TMEM131L: variants seen among roughly 807,000 people sequenced by gnomAD.
The protein encoded by TMEM131L is transmembrane 131 like.
Under a neutral mutation model 192.2 loss-of-function variants are expected in TMEM131L, and 54 were observed. The ratio of observed to expected loss-of-function variants is 0.28; its 90% CI spans 0.23 to 0.35. The LOEUF (loss-of-function observed/expected upper bound fraction) is 0.35. Among genes scored for constraint, TMEM131L ranks in the 10% least tolerant of loss-of-function variants. The pLI is 1.00. For missense variants in TMEM131L, 1,888 were observed against 1,972.9 expected (o/e 0.96, Z 0.82); for synonymous variants, 701 against 704.9 (o/e 0.99, Z 0.09).
In TMEM131L at chr4:153,604,048, C is replaced by T. The variant is rs1031075223; in HGVS notation, c.3036C>T (p.Ser1012=). The T allele has an allele frequency of 3.1e-6, 5 of 1,614,090 alleles. No homozygotes were observed. In the African/African-American group the frequency reaches 5.3e-5, roughly 17 times the overall value. The change falls in exon 25 of 35, where the codon AGC becomes AGT. Residue 1012 remains serine, a synonymous_variant. Transcript: ENST00000409959. ...TEEKQTSPLG[S]SLPAAKEDIC... ...AAAAACAGACTTCACCCCTGGGCAG[C>T]TCACTGCCTGCTGCTAAAGAGGACA...
At chr4:153,604,558 GA>G in intron 25 of TMEM131L, 128 bp downstream of exon 25, 1 of 947,158 alleles carries the variant, frequency 1.1e-6, no homozygotes, top group Non-Finnish European at 1.6e-6. Flanking sequence ...TTTAAATATT[GA>G]AAAAAGACAA....
At chr4:153,518,569 G>C (rs1481509882) in intron 3 of TMEM131L, among the ~76,000 whole-genome samples, 1 of 152,176 alleles carries the variant, frequency 6.6e-6, no homozygotes, top group East Asian at 1.9e-4. Flanking sequence ...AGTGTGATGT[G>C]TTTGGTGCTA....
At chr4:153,468,522 C>T (rs1371631306) in intron 2 of TMEM131L, among the ~76,000 whole-genome samples, 1 of 152,112 alleles carries the variant, frequency 6.6e-6, no homozygotes, top group East Asian at 1.9e-4. Flanking sequence ...AATAGAAATC[C>T]GTCGTATTCC....
chr4:153,597,109 A>T (rs1216210051), intron 20 of TMEM131L, among the ~76,000 whole-genome samples: 1 of 152,098 alleles, frequency 6.6e-6, no homozygotes, highest in African/African-American at 2.4e-5. Flanking sequence ...TATTATTCAG[A>T]ATTTTCTTTA....
intron 3 of TMEM131L, among the ~76,000 whole-genome samples, chr4:153,525,413 C>T (rs1381534052): frequency 3.3e-5 from 5 of 152,252 alleles, no homozygotes; most frequent in East Asian, 3.9e-4. Context: ...TATCTCGGCT[C>T]ACTGCAACCT....
At chr4:153,504,266 CTTTTTTTTTTTTTTTTTTTT>C (rs531620464) in intron 3 of TMEM131L, among the ~76,000 whole-genome samples, 15 of 42,570 alleles carry the variant, frequency 3.5e-4, no homozygotes, top group South Asian at 2.6e-3. Context: ...CGCGGTCGGC[CTTTTTTTTTTTTTTTTTTTT>C]TTTTTTTTTT....
intron 3 of TMEM131L, among the ~76,000 whole-genome samples, chr4:153,527,928 G>C (rs1443564374): frequency 1.3e-5 from 2 of 152,008 alleles, no homozygotes; most frequent in Admixed American, 6.5e-5. Flanking sequence ...CTCTTTTTTG[G>C]TACTATATGC....
chr4:153,589,058 C>T (rs1031344157), intron 16 of TMEM131L, 51 bp downstream of exon 16: 2 of 953,606 alleles, frequency 2.1e-6, no homozygotes, highest in Non-Finnish European at 3.4e-6. Flanking sequence ...GACACTGTTA[C>T]AGTAGTCCCT....
chr4:153,560,733 T>G (rs1728792226), intron 7 of TMEM131L, among the ~76,000 whole-genome samples: 1 of 152,260 alleles, frequency 6.6e-6, no homozygotes, highest in African/African-American at 2.4e-5. Context: ...TGTATTTCAT[T>G]CCTTTTTATT....
chr4:153,617,117 G>T (rs1733026470), intron 26 of TMEM131L, among the ~76,000 whole-genome samples: 1 of 152,178 alleles, frequency 6.6e-6, no homozygotes, highest in Non-Finnish European at 1.5e-5. Flanking sequence ...AATTATGGGG[G>T]TGGGATTTTC....
intron 26 of TMEM131L, among the ~76,000 whole-genome samples, chr4:153,617,784 G>C (rs1271894360): frequency 6.6e-6 from 1 of 151,864 alleles, no homozygotes; most frequent in Admixed American, 6.6e-5. Flanking sequence ...AATGGAAAGA[G>C]GAGACACAAG....
rs577573259 is a variant in TMEM131L at position 153,550,198 on chromosome 4, A to G, written c.308+57A>G. ...TTTTATTTATACTATTTATTTTCAGAATTTTTTTTACATATATGTACAATG... is the reference window on the plus strand; with the variant it reads ...TTTTATTTATACTATTTATTTTCAGGATTTTTTTTACATATATGTACAATG... On this transcript the variant is annotated intron_variant, in intron 4 of 34. Transcript: ENST00000409959. 73 of 725,556 alleles carry G rather than the reference A, an allele frequency of 1.0e-4. No individual in the cohort carries two copies. The African/African-American group carries it at 1.2e-3, about 12-fold the overall frequency. 44.9% of individuals were successfully genotyped at this position (725,556 alleles called of 1,614,324 possible).
At chr4:153,616,415 T>G (rs1228174034) in intron 26 of TMEM131L, among the ~76,000 whole-genome samples, 1 of 152,246 alleles carries the variant, frequency 6.6e-6, no homozygotes, top group Non-Finnish European at 1.5e-5. Flanking sequence ...GCCCAGTGTT[T>G]GTTTTTCTTG....
At chr4:153,517,152 A>G (rs1734793623) in intron 3 of TMEM131L, among the ~76,000 whole-genome samples, 1 of 152,196 alleles carries the variant, frequency 6.6e-6, no homozygotes, top group Non-Finnish European at 1.5e-5. Flanking sequence ...TTAATCTAAG[A>G]GGTCCAAATT....
intron 3 of TMEM131L, among the ~76,000 whole-genome samples, chr4:153,498,180 T>C (rs139374008): frequency 7.2e-5 from 11 of 152,320 alleles, no homozygotes; most frequent in African/African-American, 2.6e-4. Context: ...TCACAAATGA[T>C]GCTTGGTAGG....
intron 3 of TMEM131L, among the ~76,000 whole-genome samples, chr4:153,474,637 C>A (rs991449371): frequency 1.1e-4 from 17 of 152,190 alleles, no homozygotes; most frequent in Non-Finnish European, 2.5e-4. Context: ...TTCACTGCAA[C>A]CTCCGCCTCC....
chr4:153,518,864 C>A (rs555752982), intron 3 of TMEM131L, among the ~76,000 whole-genome samples: 1 of 152,132 alleles, frequency 6.6e-6, no homozygotes, highest in African/African-American at 2.4e-5. Context: ...TCTATCCTAA[C>A]GGTGCCTGCC....
intron 3 of TMEM131L, among the ~76,000 whole-genome samples, chr4:153,507,753 T>C (rs1321651225): frequency 1.3e-5 from 2 of 151,978 alleles, no homozygotes; most frequent in African/African-American, 2.4e-5. Flanking sequence ...GGAACGCTTA[T>C]GTGGTGTGGG....
rs1383737459 is a variant in TMEM131L at position 153,543,330 on chromosome 4, C to G, written c.240-6743C>G. On this transcript the variant is annotated intron_variant, in intron 3 of 34. Transcript: ENST00000409959. ...TTTTATGTTTTTTCCTATCAGTAAA[C>G]TTCTGGGGAGAAGTATTTTTTAAAT... Among the ~76,000 whole-genome samples, 4 of 152,226 alleles carry G rather than the reference C, an allele frequency of 2.6e-5. No homozygotes were observed. The East Asian group carries it at 7.7e-4, about 29-fold the overall frequency.
Sources: allele counts gnomAD v4.1 joint callset (sites outside exome capture counted in the v4.1 genomes callset), GRCh38; gene constraint gnomAD v4.1.1; transcripts MANE v1.5; gene names NCBI Gene and HGNC (gene_info 2026-07-23, HGNC 2026-07-21).